RAMP1: variants seen among roughly 807,000 people sequenced by gnomAD.
RAMP1 encodes the protein receptor activity modifying protein 1, also known as receptor activity-modifying protein 1.
A neutral mutation model predicts 8.2 loss-of-function variants in RAMP1; 7 were observed. The ratio of observed to expected loss-of-function variants is 0.85; its 90% confidence interval spans 0.49 to 1.60. RAMP1 has a LOEUF of 1.60. Ranked by LOEUF, RAMP1 falls within the 40% of genes most tolerant of loss-of-function variation. The pLI is 0.00. For missense variants in RAMP1, 192 were observed against 202.4 expected (o/e 0.95, Z 0.31); for synonymous variants, 92 against 84.7 (o/e 1.09, Z -0.47).
chr2:237,883,492 G>A (rs1253449913), intron 2 of RAMP1, among the ~76,000 whole-genome samples: 11 of 152,126 alleles, frequency 7.2e-5, no homozygotes, highest in Non-Finnish European at 1.6e-4. Context: ...GCTTTACTCA[G>A]GACGTTGAAT....
At chr2:237,872,223 G>A (rs759947477) in intron 1 of RAMP1, among the ~76,000 whole-genome samples, 2 of 152,144 alleles carry the variant, frequency 1.3e-5, no homozygotes, top group Admixed American at 6.5e-5. Flanking sequence ...GAGGCGGCTC[G>A]GCAGCCTATT....
intron 1 of RAMP1, among the ~76,000 whole-genome samples, chr2:237,867,997 A>G (rs2062206575): frequency 6.6e-6 from 1 of 150,394 alleles, no homozygotes; most frequent in East Asian, 1.9e-4. Context: ...AAAATTGGCA[A>G]CCTTTTCAGT....
At chr2:237,885,466 C>T (rs2062418607) in intron 2 of RAMP1, among the ~76,000 whole-genome samples, 2 of 152,270 alleles carry the variant, frequency 1.3e-5, no homozygotes, top group Admixed American at 6.5e-5. Context: ...CGGTGTCCGC[C>T]CTGGAACTTG....
At chr2:237,892,887 C>T (rs2062500491) in intron 2 of RAMP1, among the ~76,000 whole-genome samples, 1 of 152,132 alleles carries the variant, frequency 6.6e-6, no homozygotes. Flanking sequence ...GTTTTTCTGA[C>T]AGTTGCACTA....
rs1449329919 is a variant in RAMP1 at position 237,862,737 on chromosome 2, C to T, written c.52+3010C>T. ...CAGGCCTAGAACCCCTCTTTCCTGACGGTCTTTGTGGTATGGTGGGCTGGC... is the reference window on the plus strand; with the variant it reads ...CAGGCCTAGAACCCCTCTTTCCTGATGGTCTTTGTGGTATGGTGGGCTGGC... On this transcript the variant is annotated intron_variant, in intron 1 of 2. Transcript: ENST00000254661. The surrounding 1 kb of genome is among the most constrained non-coding windows in gnomAD (Gnocchi z 4.0). Among the ~76,000 whole-genome samples the T allele has an allele frequency of 6.6e-6, 1 of 152,196 alleles. No individual in the cohort carries two copies. Among genetic ancestry groups the T allele is most frequent in the Non-Finnish European group, 1.5e-5 (1 of 68,034 alleles).
chr2:237,884,919 A>G (rs1319049998), intron 2 of RAMP1, among the ~76,000 whole-genome samples: 2 of 152,284 alleles, frequency 1.3e-5, no homozygotes, highest in East Asian at 1.9e-4. Flanking sequence ...TCCAGGCCCC[A>G]GGGAGTGGGG....
Position 237,878,577 on chromosome 2 carries a change from C to T in RAMP1, c.191+1215C>T, listed in dbSNP as rs1263441803. ...GGGCCTCCCTCTACCCTCAGAGCCC[C>T]GCTGGCCACAGCCTGCCCTCTTCAG... is the stretch of plus-strand genomic sequence containing the variant. On this transcript the variant is annotated intron_variant, in intron 2 of 2. Coordinates refer to ENST00000254661, the MANE Select transcript of RAMP1 (RefSeq NM_005855.4). The surrounding 1 kb of genome is among the most constrained non-coding windows in gnomAD (Gnocchi z 5.7). 2.0e-5 allele frequency among the ~76,000 whole-genome samples: 3 copies of T among 152,218 alleles called. No homozygotes were observed. The highest frequency in any genetic ancestry group is 1.9e-4 in the East Asian group (1 of 5,190).
chr2:237,884,325 A>G (rs2062405579), intron 2 of RAMP1, among the ~76,000 whole-genome samples: 2 of 152,138 alleles, frequency 1.3e-5, no homozygotes, highest in Non-Finnish European at 2.9e-5. Flanking sequence ...GATTTAATGT[A>G]TTAACTGGAG....
intron 2 of RAMP1, among the ~76,000 whole-genome samples, chr2:237,891,611 T>G (rs920921831): frequency 2.6e-5 from 4 of 152,242 alleles, no homozygotes; most frequent in African/African-American, 4.8e-5. Flanking sequence ...TCATTTCTGC[T>G]TTTGTATTTT....
intron 2 of RAMP1, among the ~76,000 whole-genome samples, chr2:237,888,102 G>A (rs1479708349): frequency 6.6e-6 from 1 of 152,038 alleles, no homozygotes; most frequent in African/African-American, 2.4e-5. Flanking sequence ...CGCCCAGGCT[G>A]GAGTGCAGTG....
At chr2:237,863,329 G>A (rs1252776555) in intron 1 of RAMP1, among the ~76,000 whole-genome samples, 4 of 152,146 alleles carry the variant, frequency 2.6e-5, no homozygotes, top group Non-Finnish European at 5.9e-5. Flanking sequence ...GCACTGTTCA[G>A]TTCCCAGCCT....
At position 237,911,749 on chromosome 2, in the gene RAMP1, T is replaced by G. The variant is rs1346823720; in HGVS notation, c.413T>G (p.Val138Gly). ...ACCCTGCTGGTGACGGCACTGGTGG[T>G]CTGGCAGAGCAAGCGCACTGAGGGC... is the stretch of plus-strand genomic sequence containing the variant. ...TVTLLVTALV[V>G]WQSKRTEGIV Residue 138 changes from valine to glycine, a missense_variant, in exon 3 of 3, where the codon GTC (valine) becomes GGC (glycine). Transcript: ENST00000254661. The G allele has an allele frequency of 5.6e-6, 9 of 1,612,394 alleles. No individual in the cohort carries two copies. The highest frequency in any genetic ancestry group is 7.6e-6 in the Non-Finnish European group (9 of 1,179,468).
chr2:237,874,703 C>T (rs1173719895), intron 1 of RAMP1: 9 of 983,858 alleles, frequency 9.1e-6, no homozygotes, highest in Admixed American at 1.2e-4. Context: ...CTGAGAAATC[C>T]GGGTATGGCC....
At chr2:237,871,991 G>A (rs977312768) in intron 1 of RAMP1, among the ~76,000 whole-genome samples, 4 of 152,222 alleles carry the variant, frequency 2.6e-5, no homozygotes, top group African/African-American at 7.2e-5. Context: ...CAATAAAGGC[G>A]TGTTTTAGAA....
In RAMP1 at chr2:237,878,717, T is replaced by C. The variant is rs776787737; in HGVS notation, c.191+1355T>C. Among the ~76,000 whole-genome samples the C allele has an allele frequency of 7.2e-5, 11 of 152,246 alleles. No homozygotes were observed. The highest frequency in any genetic ancestry group is 1.3e-4 in the Non-Finnish European group (9 of 68,034). On this transcript the variant is annotated intron_variant, in intron 2 of 2. Coordinates refer to ENST00000254661, the MANE Select transcript of RAMP1 (RefSeq NM_005855.4). The surrounding 1 kb of genome is among the most constrained non-coding windows in gnomAD (Gnocchi z 5.7). ...CCTCAGGCCCAGAGTCCGTGCTCAGTGCACTGTTGTTGAGGCGACTCTGTA... is the reference window on the plus strand; with the variant it reads ...CCTCAGGCCCAGAGTCCGTGCTCAGCGCACTGTTGTTGAGGCGACTCTGTA...
intron 2 of RAMP1, among the ~76,000 whole-genome samples, chr2:237,891,703 T>A (rs2062490167): frequency 6.6e-6 from 1 of 152,294 alleles, no homozygotes; most frequent in Non-Finnish European, 1.5e-5. Flanking sequence ...AAATTATCTG[T>A]TTGTTCTATT....
intron 1 of RAMP1, among the ~76,000 whole-genome samples, chr2:237,875,539 C>G (rs1453988281): frequency 1.3e-5 from 2 of 152,176 alleles, no homozygotes; most frequent in Non-Finnish European, 2.9e-5. Flanking sequence ...CGCTTGCTAG[C>G]AGGTCCTGTC....
intron 1 of RAMP1, among the ~76,000 whole-genome samples, chr2:237,876,817 G>T (rs73090695): frequency 0.057 from 8,613 of 152,224 alleles, 473 homozygotes; most frequent in African/African-American, 0.15. Context: ...CCCGCAGATA[G>T]TCAGACAGGA....
intron 1 of RAMP1, among the ~76,000 whole-genome samples, chr2:237,860,478 C>G (rs1652967886): frequency 6.6e-6 from 1 of 152,222 alleles, no homozygotes; most frequent in Admixed American, 6.5e-5. Context: ...GCCACAGGAA[C>G]TGGCCACACA....
Sources: gnomAD v4.1 joint callset for allele counts (sites outside exome capture counted in the v4.1 genomes callset) on GRCh38, gnomAD v4.1.1 for gene constraint, Gnocchi (gnomAD v3.1) non-coding constraint, MANE v1.5 for transcripts, NCBI Gene and HGNC (gene_info 2026-07-23, HGNC 2026-07-21) for gene names.